Variants in NOTCH1 observed in about 807,000 individuals in gnomAD.
The protein encoded by NOTCH1 is neurogenic locus notch homolog protein 1.
A neutral mutation model predicts 254.8 loss-of-function variants in NOTCH1; 37 were observed. That is an observed-to-expected ratio of 0.15 (90% CI 0.11 to 0.19). The LOEUF (loss-of-function observed/expected upper bound fraction) is 0.19. Among genes scored for constraint, NOTCH1 ranks in the 10% least tolerant of loss-of-function variants. NOTCH1 has a pLI of 1.00. For synonymous variants in NOTCH1, 1,731 were observed against 1,618.1 expected, an observed-to-expected ratio of 1.07 and a Z score of -1.68; for missense variants, 2,972 against 3,708.6, an observed-to-expected ratio of 0.80 and a Z score of 5.16.
chr9:136,494,883 G>A lies in NOTCH1; in HGVS notation c.*1188C>T. On this transcript the variant is annotated 3_prime_UTR_variant, in exon 34 of 34. Transcript: ENST00000651671. ...AAAATCTGCTCCTCCCAAACTAGGA[G>A]GGGTGGCCCAAGGGCAGCCCCCGCC... 2.5e-6 allele frequency: 1 copy of A among 398,638 alleles called. No individual in the cohort carries two copies. The highest frequency in any genetic ancestry group is 6.3e-4 in the Middle Eastern group (1 of 1,588). The allele number at this position is 398,638 out of a possible 1,614,324, so 24.7% of individuals were successfully genotyped here. A position where few individuals can be genotyped will look rare whatever the true frequency, so the allele number is the denominator to read the frequency against.
In NOTCH1 at chr9:136,506,026, C is replaced by G; in HGVS notation, c.4015-145G>C. ...CAACCTTGCCCCCAGCAGCAAAACCCTTTACACACATTCTACCAACAGAGA... is the reference window on the plus strand; with the variant it reads ...CAACCTTGCCCCCAGCAGCAAAACCGTTTACACACATTCTACCAACAGAGA... On this transcript the variant is annotated intron_variant, in intron 24 of 33. Coordinates refer to ENST00000651671, the MANE Select transcript of NOTCH1 (RefSeq NM_017617.5). The surrounding 1 kb of genome is among the most constrained non-coding windows in gnomAD (Gnocchi z 4.5). 1.4e-6 allele frequency: 1 copy of G among 690,078 alleles called. No individual in the cohort carries two copies. The highest frequency in any genetic ancestry group is 1.9e-5 in the South Asian group (1 of 53,608). The allele number at this position is 690,078 out of a possible 1,614,324, so 42.7% of individuals were successfully genotyped here. A position where few individuals can be genotyped will look rare whatever the true frequency, so the allele number is the denominator to read the frequency against.
At chr9:136,541,357 A>G (rs908612009) in intron 2 of NOTCH1, among the ~76,000 whole-genome samples, 4 of 152,216 alleles carry the variant, frequency 2.6e-5, no homozygotes, top group African/African-American at 9.7e-5. Context: ...TGATTCACCC[A>G]GTACTAGTGA....
chr9:136,518,039 T>A, intron 7 of NOTCH1, 98 bp downstream of exon 7: 2 of 1,556,226 alleles, frequency 1.3e-6, no homozygotes, highest in Non-Finnish European at 1.7e-6. Flanking sequence ...CCATCCCCCA[T>A]CTAACTGGGC....
In NOTCH1 at chr9:136,518,015, G is replaced by A. The variant is rs997132561; in HGVS notation, c.1256-78C>T. 2.2e-5 allele frequency: 35 copies of A among 1,574,518 alleles called. No homozygotes were observed. The African/African-American group carries it at 2.4e-4, about 11-fold the overall frequency. On this transcript the variant is annotated intron_variant, in intron 7 of 33. Coordinates refer to ENST00000651671, the MANE Select transcript of NOTCH1 (RefSeq NM_017617.5). ...CACCTCACTGCACACCACCCCCATC[G>A]GACTGGCAGGGTCCCATCCCCCATC... is the stretch of plus-strand genomic sequence containing the variant.
intron 15 of NOTCH1, among the ~76,000 whole-genome samples, chr9:136,511,726 G>A (rs1036862057): frequency 4.6e-5 from 7 of 152,234 alleles, no homozygotes; most frequent in Admixed American, 2.6e-4. Flanking sequence ...CTGGGGCTCC[G>A]TGTCACAGGC....
At chr9:136,544,709 G>C (rs1843786343) in intron 1 of NOTCH1, among the ~76,000 whole-genome samples, 2 of 152,098 alleles carry the variant, frequency 1.3e-5, no homozygotes, top group South Asian at 2.1e-4. Context: ...AGGGGCACCG[G>C]GACAGCACCC....
intron 15 of NOTCH1, among the ~76,000 whole-genome samples, chr9:136,511,531 C>T (rs1048480428): frequency 4.6e-5 from 7 of 152,194 alleles, no homozygotes; most frequent in Admixed American, 1.3e-4. Flanking sequence ...CGGTTGGCAG[C>T]GGGGCACAGC....
chr9:136,539,919 G>A (rs965215605), intron 2 of NOTCH1, among the ~76,000 whole-genome samples: 11 of 152,284 alleles, frequency 7.2e-5, no homozygotes, highest in Non-Finnish European at 1.5e-4. Flanking sequence ...TTCTTTTAAG[G>A]GGAAGCCACG....
intron 26 of NOTCH1, among the ~76,000 whole-genome samples, chr9:136,503,572 T>G (rs1339794498): frequency 6.6e-6 from 1 of 152,168 alleles, no homozygotes; most frequent in African/African-American, 2.4e-5. Flanking sequence ...GCGCTCTCCC[T>G]GGCCCGCCCT....
intron 15 of NOTCH1, among the ~76,000 whole-genome samples, chr9:136,511,776 C>A (rs1168118594): frequency 1.3e-5 from 2 of 152,232 alleles, no homozygotes; most frequent in African/African-American, 2.4e-5. Flanking sequence ...ACAAGGGCTG[C>A]GATGGAGGGG....
rs140220011 is a variant in NOTCH1, at chr9:136,544,246, G to C, written c.62-144C>G. 729 of 778,014 alleles carry C rather than the reference G, an allele frequency of 9.4e-4. 4 individuals are homozygous for C. In the African/African-American group the frequency reaches 9.7e-3, roughly 10 times the overall value. The allele number at this position is 778,014 out of a possible 1,614,324, so 48.2% of individuals were successfully genotyped here. A position where few individuals can be genotyped will look rare whatever the true frequency, so the allele number is the denominator to read the frequency against. Reference sequence around the variant, plus strand: ...CGGACGCACTCTGCTCAGTATCATGGGTTGCTGGGGCACGGGTCCGCAGGA... The same window carrying C: ...CGGACGCACTCTGCTCAGTATCATGCGTTGCTGGGGCACGGGTCCGCAGGA... On this transcript the variant is annotated intron_variant, in intron 1 of 33. Coordinates refer to ENST00000651671, the MANE Select transcript of NOTCH1 (RefSeq NM_017617.5).
chr9:136,518,994 G>A (rs879323064), intron 5 of NOTCH1, among the ~76,000 whole-genome samples, 170 bp from the exon 6 acceptor site: 1 of 152,222 alleles, frequency 6.6e-6, no homozygotes, highest in Non-Finnish European at 1.5e-5. Context: ...GCACCATGGA[G>A]TCTTGCCTCC....
chr9:136,503,165 G>C lies in NOTCH1; in HGVS notation c.5167+17C>G, dbSNP rs2133333044. The C allele has an allele frequency of 6.2e-7, 1 of 1,612,618 alleles. No homozygotes were observed. Among genetic ancestry groups the C allele is most frequent in the Non-Finnish European group, 8.5e-7 (1 of 1,179,978 alleles). On this transcript the variant is annotated intron_variant, in intron 27 of 33. Coordinates refer to ENST00000651671, the MANE Select transcript of NOTCH1 (RefSeq NM_017617.5). ...CCCTGCAGGCAGAGCCTGTTCCCGG[G>C]ATGGGGCCACACTTACTCTGCACGG...
In NOTCH1 at chr9:136,505,436, C is replaced by T; in HGVS notation, c.4460G>A (p.Trp1487Ter). The T allele has an allele frequency of 6.2e-7, 1 of 1,612,918 alleles. No individual in the cohort carries two copies. The highest frequency in any genetic ancestry group is 8.5e-7 in the Non-Finnish European group (1 of 1,180,026). The change falls in exon 25 of 34, where the codon TGG becomes TAG. Residue 1487 changes from tryptophan to a stop codon, truncating the protein, a stop_gained. Transcript: ENST00000651671. LOFTEE classifies it high-confidence loss of function. ...CTGCAGAGACTGCGTGCAGTTCTTC[C>T]AGGGGTCATTGAAGTTGAGGGAGCA... ...GDCSLNFNDP[W>*]KNCTQSLQCW...
intron 31 of NOTCH1, among the ~76,000 whole-genome samples, chr9:136,499,598 C>G (rs1325971712): frequency 6.6e-6 from 1 of 152,236 alleles, no homozygotes; most frequent in Non-Finnish European, 1.5e-5. Context: ...GCGGTTACAG[C>G]TGGCACTCAG....
chr9:136,503,797 T>A (rs1416930210), intron 26 of NOTCH1, among the ~76,000 whole-genome samples: 1 of 152,012 alleles, frequency 6.6e-6, no homozygotes, highest in Non-Finnish European at 1.5e-5. Flanking sequence ...GTGAGCAGGA[T>A]CCCATCCAGC....
At chr9:136,524,999 A>G (rs1404296511) in intron 2 of NOTCH1, among the ~76,000 whole-genome samples, 1 of 152,160 alleles carries the variant, frequency 6.6e-6, no homozygotes, top group Admixed American at 6.5e-5. Flanking sequence ...ATCTCATGTC[A>G]AGATCGCACT....
Position 136,510,941 on chromosome 9 carries a change from C to T in NOTCH1, c.2588-136G>A, listed in dbSNP as rs1449637372. 4 of 1,398,896 alleles carry T rather than the reference C, an allele frequency of 2.9e-6. No individual in the cohort carries two copies. In the East Asian group the frequency reaches 7.1e-5, roughly 25 times the overall value. 86.7% of individuals were successfully genotyped at this position (1,398,896 alleles called of 1,614,324 possible). A position where few individuals can be genotyped will look rare whatever the true frequency, so the allele number is the denominator to read the frequency against. On this transcript the variant is annotated intron_variant, in intron 16 of 33. Transcript: ENST00000651671. ...CGTGACCCCAGGACCATCCCCTCTCCCCTAATTTTGGCCTAAGAAGGTCAC... is the reference window on the plus strand; with the variant it reads ...CGTGACCCCAGGACCATCCCCTCTCTCCTAATTTTGGCCTAAGAAGGTCAC...
chr9:136,502,764 A>T lies in NOTCH1; in HGVS notation c.5168-276T>A. On this transcript the variant is annotated intron_variant, in intron 27 of 33. Transcript: ENST00000651671. ...GGATTAGTCAACTTCAAATCGCTGC[A>T]CTCGCACTGAGCTGTTAAGACAAAG... 1.1e-5 allele frequency: 6 copies of T among 570,972 alleles called. No individual in the cohort carries two copies. In the South Asian group the frequency reaches 1.2e-4, roughly 12 times the overall value. The allele number at this position is 570,972 out of a possible 1,614,324, so 35.4% of individuals were successfully genotyped here. A position where few individuals can be genotyped will look rare whatever the true frequency, so the allele number is the denominator to read the frequency against.
Sources: allele counts gnomAD v4.1 joint callset (sites outside exome capture counted in the v4.1 genomes callset), GRCh38; gene constraint gnomAD v4.1.1; non-coding constraint Gnocchi (gnomAD v3.1); transcripts MANE v1.5; gene names NCBI Gene and HGNC (gene_info 2026-07-23, HGNC 2026-07-21).